COBLL1: variants seen among roughly 807,000 people sequenced by gnomAD.
The protein encoded by COBLL1 is cordon-bleu WH2 repeat protein like 1.
In COBLL1, 50 loss-of-function variants were observed where a neutral mutation model predicts 94.8. The observed-to-expected ratio is 0.53, with a 90% CI of 0.42 to 0.67. COBLL1 has a LOEUF of 0.67. Ranked by LOEUF, COBLL1 falls within the 30% of genes least tolerant of loss-of-function variation. COBLL1 has a pLI of 0.00. For missense variants in COBLL1, 1,362 were observed against 1,348.7 expected (o/e 1.01, Z -0.15); for synonymous variants, 448 against 473.8 (o/e 0.95, Z 0.71).
chr2:164,720,575 T>A (rs1685394144), intron 7 of COBLL1, among the ~76,000 whole-genome samples: 1 of 152,176 alleles, frequency 6.6e-6, no homozygotes, highest in South Asian at 2.1e-4. Context: ...CACTCTTCTA[T>A]GATACAACAA....
intron 2 of COBLL1, among the ~76,000 whole-genome samples, chr2:164,748,636 T>C (rs1279764186): frequency 1.3e-5 from 2 of 152,204 alleles, no homozygotes; most frequent in Non-Finnish European, 2.9e-5. Context: ...GATTTTCACA[T>C]ATGCTTTTCT....
intron 2 of COBLL1, among the ~76,000 whole-genome samples, chr2:164,825,298 T>C (rs1408108357): frequency 6.6e-6 from 1 of 152,222 alleles, no homozygotes. Flanking sequence ...CTCCATATTA[T>C]TTTATATACT....
At chr2:164,765,739 T>C (rs1687899932) in intron 2 of COBLL1, among the ~76,000 whole-genome samples, 2 of 152,070 alleles carry the variant, frequency 1.3e-5, no homozygotes, top group Admixed American at 1.3e-4. Flanking sequence ...AAAACAATAA[T>C]TGAAACACAC....
chr2:164,766,439 C>G (rs1340538504), intron 2 of COBLL1, among the ~76,000 whole-genome samples: 4 of 152,064 alleles, frequency 2.6e-5, no homozygotes, highest in African/African-American at 7.2e-5. Context: ...CTTGTGAAAT[C>G]TGGTCATTTA....
At chr2:164,766,276 C>A (rs886887952) in intron 2 of COBLL1, among the ~76,000 whole-genome samples, 1 of 152,102 alleles carries the variant, frequency 6.6e-6, no homozygotes, top group Non-Finnish European at 1.5e-5. Context: ...TTTGCATATA[C>A]CCTTTTTTGT....
chr2:164,691,554 C>T (rs1204315525), intron 13 of COBLL1, among the ~76,000 whole-genome samples: 1 of 152,124 alleles, frequency 6.6e-6, no homozygotes, highest in African/African-American at 2.4e-5. Flanking sequence ...TTGTTCAAAG[C>T]TTCACCACAT....
In COBLL1 at chr2:164,695,745, A is replaced by C; in HGVS notation, c.1647T>G (p.Val549=). The C allele has an allele frequency of 7.4e-6, 12 of 1,613,700 alleles. No individual in the cohort carries two copies. Among genetic ancestry groups the C allele is most frequent in the Non-Finnish European group, 8.5e-6 (10 of 1,179,796 alleles). Residue 549 remains valine (V), a synonymous_variant, in exon 12 of 14, where the codon GTT becomes GTG. Transcript: ENST00000652658. ...VKKTEINVEG[V]AKNNNIDMEV... ...CCATATCAATGTTGTTATTTTTGGC[A>C]ACACCTTCTACATTGATTTCTGTTT...
intron 9 of COBLL1, among the ~76,000 whole-genome samples, chr2:164,701,886 A>C (rs1684283925): frequency 5.0e-5 from 1 of 20,006 alleles, no homozygotes; most frequent in Non-Finnish European, 8.9e-5. Flanking sequence ...AAGGCTGGGG[A>C]TGTGGTGGGA....
chr2:164,749,532 A>G (rs1558978900), intron 2 of COBLL1, among the ~76,000 whole-genome samples: 1 of 152,208 alleles, frequency 6.6e-6, no homozygotes, highest in Non-Finnish European at 1.5e-5. Flanking sequence ...TCAATTATAA[A>G]TTGAAGACCA....
At chr2:164,838,514 G>T (rs372877921) in intron 2 of COBLL1, among the ~76,000 whole-genome samples, 1 of 152,086 alleles carries the variant, frequency 6.6e-6, no homozygotes, top group East Asian at 1.9e-4. Flanking sequence ...TAACGTCATG[G>T]TATGTTATAT....
intron 2 of COBLL1, among the ~76,000 whole-genome samples, chr2:164,809,262 T>C (rs1245757197): frequency 6.6e-6 from 1 of 152,060 alleles, no homozygotes; most frequent in Non-Finnish European, 1.5e-5. Flanking sequence ...GTATGCTTGA[T>C]AGCATCCATA....
chr2:164,690,994 C>T (rs1156848070), intron 13 of COBLL1, among the ~76,000 whole-genome samples: 1 of 152,032 alleles, frequency 6.6e-6, no homozygotes, highest in Non-Finnish European at 1.5e-5. Context: ...AAAGCTATAC[C>T]AAATTGTTAT....
intron 2 of COBLL1, among the ~76,000 whole-genome samples, chr2:164,812,391 C>T (rs1007605488): frequency 2.6e-5 from 4 of 151,966 alleles, no homozygotes; most frequent in African/African-American, 9.7e-5. Flanking sequence ...TTGTCCCTGT[C>T]CTCCTAAGAT....
Position 164,743,823 on chromosome 2 carries a change from C to A in COBLL1, c.94G>T (p.Asp32Tyr), listed in dbSNP as rs367964006. ...ACAGAATCAGCAGCTGAAGAGACAT[C>A]AGTATATTTGGTCTCAGCTGGAGGA... is the stretch of plus-strand genomic sequence containing the variant. ...PLPPAETKYT[D>Y]VSSAADSVES... Residue 32 changes from aspartate (D) to tyrosine (Y), a missense_variant, in exon 3 of 14, where the codon GAT becomes TAT. By Grantham distance (160) the Asp-to-Tyr change is radical. Transcript: ENST00000652658. 15 of 1,612,306 alleles carry A rather than the reference C, an allele frequency of 9.3e-6. No homozygotes were observed. In the African/African-American group the frequency reaches 1.9e-4, roughly 20 times the overall value.
chr2:164,790,950 C>T (rs193042458), intron 2 of COBLL1, among the ~76,000 whole-genome samples: 1 of 152,298 alleles, frequency 6.6e-6, no homozygotes, highest in African/African-American at 2.4e-5. Flanking sequence ...CTTGAAATAT[C>T]ATATTATAAT....
At chr2:164,700,457 T>A in intron 10 of COBLL1, 65 bp downstream of exon 10, 1 of 965,812 alleles carries the variant, frequency 1.0e-6, no homozygotes, top group Non-Finnish European at 1.6e-6. Context: ...ATCAGATCTA[T>A]ATTTCAGAAG....
At chr2:164,659,493 G>A (rs1329921379) in intron 2 of COBLL1, among the ~76,000 whole-genome samples, 1 of 152,190 alleles carries the variant, frequency 6.6e-6, no homozygotes, top group African/African-American at 2.4e-5. Flanking sequence ...TCAAGTAACA[G>A]AGCCTGATGT....
In COBLL1 at chr2:164,687,647, A is replaced by AT. The variant is rs1316439050; in HGVS notation, c.3301-1616dup. On this transcript the variant is annotated intron_variant, in intron 13 of 13. Transcript: ENST00000652658. ...ACATGAACATACATCTGAAAGGCCT[A>AT]TTATCAAGGTCCCTTAGAGCAACCT... 4 of 902,954 alleles carry AT rather than the reference A, an allele frequency of 4.4e-6. No individual in the cohort carries two copies. In the East Asian group the frequency reaches 9.7e-5, roughly 22 times the overall value. The allele number at this position is 902,954 out of a possible 1,614,324, so 55.9% of individuals were successfully genotyped here.
chr2:164,831,011 C>T (rs113645641), intron 2 of COBLL1, among the ~76,000 whole-genome samples: 227 of 152,288 alleles, frequency 1.5e-3, no homozygotes, highest in African/African-American at 4.5e-3. Flanking sequence ...ATCATAGGAT[C>T]ACAAGCATTT....
Sources: allele counts gnomAD v4.1 joint callset (sites outside exome capture counted in the v4.1 genomes callset), GRCh38; gene constraint gnomAD v4.1.1; transcripts MANE v1.5; gene names NCBI Gene and HGNC (gene_info 2026-07-23, HGNC 2026-07-21).